Variants in BRD4 observed in about 807,000 individuals in gnomAD.
The protein encoded by BRD4 is bromodomain containing 4, also known as bromodomain-containing protein 4.
BRD4 carries 16 observed loss-of-function variants against 142.1 expected under a neutral mutation model. The ratio of observed to expected loss-of-function variants is 0.11; its 90% CI spans 0.08 to 0.17. BRD4 has a LOEUF of 0.17. BRD4 is among the 10% of genes least tolerant of loss of function. The pLI is 1.00. For synonymous variants in BRD4, 833 were observed against 707.5 expected (o/e 1.18, Z -2.82); for missense variants, 1,424 against 1,810.9 (o/e 0.79, Z 3.88).
chr19:15,318,439 G>A (rs1039780056), intron 1 of BRD4, among the ~76,000 whole-genome samples: 1 of 152,176 alleles, frequency 6.6e-6, no homozygotes, highest in Non-Finnish European at 1.5e-5. Flanking sequence ...CACCAGACAA[G>A]GATGTGAGGA....
intron 1 of BRD4, chr19:15,280,502 C>A: frequency 1.1e-6 from 1 of 949,852 alleles, no homozygotes; most frequent in Non-Finnish European, 1.3e-6. Context: ...CAGCACCTGG[C>A]CATCTGCTTA....
rs1385395162 is a variant in BRD4 at position 15,263,535 on chromosome 19, G to A, written c.1226C>T (p.Ala409Val). The change falls in exon 7 of 20, where the codon GCC (alanine) becomes GTC (valine). Residue 409 changes from alanine to valine, a missense_variant. Physicochemically the swap from Ala to Val is moderately conservative, Grantham distance 64. Coordinates refer to ENST00000679869, the MANE Select transcript of BRD4 (RefSeq NM_001379291.1). The stretch of plus-strand genomic sequence containing the variant: ...CTCCTGAGCATCACGGTACTCACGG[G>A]CCTCCAGTTTAGACTGGAAAACAAG... ...DMSTIKSKLE[A>V]REYRDAQEFG... 1 of 1,614,206 alleles carries A rather than the reference G, an allele frequency of 6.2e-7. No individual in the cohort carries two copies. Among genetic ancestry groups the A allele is most frequent in the Non-Finnish European group, 8.5e-7 (1 of 1,180,042 alleles).
rs146850032 is a variant in BRD4, at chr19:15,315,110, G to A, written c.-35+17180C>T. Among the ~76,000 whole-genome samples the A allele has an allele frequency of 5.6e-3, 851 of 151,742 alleles. 3 individuals are homozygous for A. The highest frequency in any genetic ancestry group is 0.021 in the Middle Eastern group (6 of 290). ...AACTAGCTTACTAGTAGCACTGTGC[G>A]TGGAGTTTAACCACTTCTACCATTT... On this transcript the variant is annotated intron_variant, in intron 1 of 19. Transcript: ENST00000679869.
intron 1 of BRD4, among the ~76,000 whole-genome samples, chr19:15,302,378 C>G (rs756528462): frequency 6.6e-6 from 1 of 152,168 alleles, no homozygotes; most frequent in Non-Finnish European, 1.5e-5. Context: ...CTGGGGGACT[C>G]TGAGTAACAG....
chr19:15,280,460 C>G (rs2047695102), intron 1 of BRD4: 2 of 1,011,434 alleles, frequency 2.0e-6, no homozygotes. Flanking sequence ...ATTTCATCCT[C>G]GTAAACAAAT....
intron 11 of BRD4, among the ~76,000 whole-genome samples, chr19:15,252,820 G>T (rs1457246847): frequency 3.3e-5 from 5 of 152,282 alleles, no homozygotes; most frequent in East Asian, 1.9e-4. Context: ...ACTCACCTGG[G>T]AAGCAGAGGG....
chr19:15,273,731 TA>T (rs2047615317), intron 1 of BRD4, among the ~76,000 whole-genome samples: 1 of 151,864 alleles, frequency 6.6e-6, no homozygotes, highest in Non-Finnish European at 1.5e-5. Context: ...CTTGGTAACT[TA>T]AATAATGCAG....
chr19:15,320,394 T>C (rs931927552), intron 1 of BRD4, among the ~76,000 whole-genome samples: 2 of 152,162 alleles, frequency 1.3e-5, no homozygotes, highest in African/African-American at 4.8e-5. Context: ...ACTGTACCTT[T>C]TGCAGGCACG....
chr19:15,238,176 G>A lies in BRD4; in HGVS notation c.*201C>T. 1 of 771,186 alleles carries A rather than the reference G, an allele frequency of 1.3e-6. No homozygotes were observed. Among genetic ancestry groups the A allele is most frequent in the Non-Finnish European group, 2.0e-6 (1 of 492,420 alleles). The allele number at this position is 771,186 out of a possible 1,614,324, so 47.8% of individuals were successfully genotyped here. A position where few individuals can be genotyped will look rare whatever the true frequency, so the allele number is the denominator to read the frequency against. ...GTCCTGTGAGGGGTGGTGGGTGGCG[G>A]GACGTCTGTCCGACTGGCCGTAAGG... is the stretch of plus-strand genomic sequence containing the variant. On this transcript the variant is annotated 3_prime_UTR_variant, in exon 20 of 20. Transcript: ENST00000679869. The surrounding 1 kb of genome is among the most constrained non-coding windows in gnomAD (Gnocchi z 7.2).
chr19:15,243,416 C>G lies in BRD4; in HGVS notation c.2653G>C (p.Ala885Pro), dbSNP rs769217775. 2.6e-6 allele frequency: 4 copies of G among 1,559,670 alleles called. No homozygotes were observed. Among genetic ancestry groups the G allele is most frequent in the Non-Finnish European group, 2.6e-6 (3 of 1,155,904 alleles). ...GCTGGTGACACGGCTGGGGGCCGGG[C>G]GGGCTTGGGAGGCAGGGCAGCGGCT... ...NRAAALPPKP[A>P]RPPAVSPALT... The change falls in exon 14 of 20, where the codon GCC becomes CCC. Residue 885 changes from alanine (A) to proline (P), a missense_variant. By Grantham distance (27) the Ala-to-Pro change is conservative. Transcript: ENST00000679869.
intron 1 of BRD4, among the ~76,000 whole-genome samples, chr19:15,313,153 C>G (rs1378109095): frequency 6.7e-6 from 1 of 149,504 alleles, no homozygotes; most frequent in African/African-American, 2.5e-5. Context: ...GGGCGGATCA[C>G]GAGGTCAGGA....
chr19:15,330,494 G>A (rs1013986279), intron 1 of BRD4, among the ~76,000 whole-genome samples: 2 of 152,138 alleles, frequency 1.3e-5, no homozygotes, highest in African/African-American at 4.8e-5. Context: ...GGCCGGGAAC[G>A]GTGGCTCATG....
chr19:15,263,818 G>A (rs2047500845), intron 6 of BRD4, among the ~76,000 whole-genome samples: 2 of 152,206 alleles, frequency 1.3e-5, no homozygotes, highest in African/African-American at 2.4e-5. Flanking sequence ...AAATGACGGG[G>A]AGAACTGATG....
At chr19:15,300,925 G>T (rs567759540) in intron 1 of BRD4, among the ~76,000 whole-genome samples, 1 of 152,298 alleles carries the variant, frequency 6.6e-6, no homozygotes, top group African/African-American at 2.4e-5. Flanking sequence ...CATCTCACTT[G>T]CAGGTCTTTA....
At chr19:15,276,806 G>A (rs973280166) in intron 1 of BRD4, among the ~76,000 whole-genome samples, 1 of 152,162 alleles carries the variant, frequency 6.6e-6, no homozygotes, top group Non-Finnish European at 1.5e-5. Context: ...AGGACTCAGC[G>A]GTTGACATGG....
intron 1 of BRD4, among the ~76,000 whole-genome samples, chr19:15,306,639 A>G (rs1478552723): frequency 6.6e-6 from 1 of 152,120 alleles, no homozygotes; most frequent in Non-Finnish European, 1.5e-5. Flanking sequence ...TTTAAAGGCT[A>G]TTATAGGGTT....
Position 15,244,606 on chromosome 19 carries a change from G to A in BRD4, c.2212-6C>T. On this transcript the variant is annotated splice_polypyrimidine_tract_variant and splice_region_variant and intron_variant, in intron 12 of 19. Coordinates refer to ENST00000679869, the MANE Select transcript of BRD4 (RefSeq NM_001379291.1). The stretch of plus-strand genomic sequence containing the variant: ...TGATGGTGGTGATGATGGTGCTGCA[G>A]ACAGAGAGACAGACAGACAGACAGG... 1.2e-6 allele frequency: 2 copies of A among 1,612,906 alleles called. No homozygotes were observed. Among genetic ancestry groups the A allele is most frequent in the Non-Finnish European group, 1.7e-6 (2 of 1,179,906 alleles).
At chr19:15,247,837 C>A (rs2047304601) in intron 11 of BRD4, 1 of 231,638 alleles carries the variant, frequency 4.3e-6, no homozygotes, top group Admixed American at 5.6e-5. Context: ...CAGAAAGGAT[C>A]AAGAGCAGCC....
chr19:15,309,471 A>C (rs1161108874), intron 1 of BRD4, among the ~76,000 whole-genome samples: 1 of 152,206 alleles, frequency 6.6e-6, no homozygotes, highest in Non-Finnish European at 1.5e-5. Flanking sequence ...ATGTCCAGCA[A>C]TGTAAAATGG....
Sources: allele counts gnomAD v4.1 joint callset (sites outside exome capture counted in the v4.1 genomes callset), GRCh38; gene constraint gnomAD v4.1.1; non-coding constraint Gnocchi (gnomAD v3.1); transcripts MANE v1.5; gene names NCBI Gene and HGNC (gene_info 2026-07-23, HGNC 2026-07-21).